SH3RF1: variants seen among roughly 807,000 people sequenced by gnomAD.
SH3RF1 encodes SH3 domain containing ring finger 1.
A neutral mutation model predicts 74.0 loss-of-function variants in SH3RF1; 32 were observed. The observed-to-expected ratio is 0.43, with a 90% confidence interval of 0.33 to 0.58. The LOEUF (loss-of-function observed/expected upper bound fraction) is 0.58. Ranked by LOEUF, SH3RF1 falls within the 20% of genes least tolerant of loss-of-function variation. SH3RF1 has a pLI of 0.05. For synonymous variants in SH3RF1, 396 were observed against 439.6 expected (o/e 0.90, Z 1.24); for missense variants, 954 against 1,130.9 (o/e 0.84, Z 2.24).
chr4:169,153,205 T>C (rs1244467604), intron 4 of SH3RF1, among the ~76,000 whole-genome samples: 1 of 152,174 alleles, frequency 6.6e-6, no homozygotes, highest in Admixed American at 6.5e-5. Flanking sequence ...CGTGATAGTC[T>C]AATCTGAGCT....
chr4:169,247,825 G>T (rs778538708), intron 2 of SH3RF1, among the ~76,000 whole-genome samples: 9 of 152,156 alleles, frequency 5.9e-5, no homozygotes, highest in Non-Finnish European at 1.0e-4. Flanking sequence ...ATCAAAAAGT[G>T]GATGAAGGAC....
At chr4:169,236,379 T>C (rs1319755889) in intron 2 of SH3RF1, among the ~76,000 whole-genome samples, 2 of 152,202 alleles carry the variant, frequency 1.3e-5, no homozygotes, top group East Asian at 1.9e-4. Flanking sequence ...ATGACTATAA[T>C]GAGCGGTGTC....
intron 4 of SH3RF1, among the ~76,000 whole-genome samples, chr4:169,154,496 C>T (rs1734021102): frequency 6.6e-6 from 1 of 152,246 alleles, no homozygotes; most frequent in South Asian, 2.1e-4. Context: ...GCTTAAGATC[C>T]GTGCTTTGAT....
intron 6 of SH3RF1, among the ~76,000 whole-genome samples, chr4:169,124,093 G>C (rs1266089200): frequency 6.6e-6 from 1 of 152,168 alleles, no homozygotes; most frequent in Non-Finnish European, 1.5e-5. Flanking sequence ...TTTGACAGGT[G>C]AGATAATCGG....
At position 169,116,476 on chromosome 4, in the gene SH3RF1, A is replaced by G; in HGVS notation, c.1932T>C (p.Thr644=). The G allele has an allele frequency of 6.2e-7, 1 of 1,613,960 alleles. No homozygotes were observed. Among genetic ancestry groups the G allele is most frequent in the Non-Finnish European group, 8.5e-7 (1 of 1,179,942 alleles). The change falls in exon 10 of 12, where the codon ACT becomes ACC. Residue 644 remains threonine, a synonymous_variant. Coordinates refer to ENST00000284637, the MANE Select transcript of SH3RF1 (RefSeq NM_020870.4). ...APLMPGSATH[T]AAISISRASA... The stretch of plus-strand genomic sequence containing the variant: ...TGGCTCGACTGATACTGATGGCAGC[A>G]GTGTGCGTGGCTGAGCCTGGCATCA...
In SH3RF1 at chr4:169,117,709, C is replaced by T. The variant is rs1733361160; in HGVS notation, c.1591G>A (p.Val531Ile). The change falls in exon 9 of 12, where the codon GTC becomes ATC. Residue 531 changes from valine to isoleucine, a missense_variant. Coordinates refer to ENST00000284637, the MANE Select transcript of SH3RF1 (RefSeq NM_020870.4). Reference sequence around the variant, plus strand: ...GGCCCTCCTGCCGTGGAAGGACTGACCATGGTCACTCCCCGACTTGTCTGG... The same window carrying T: ...GGCCCTCCTGCCGTGGAAGGACTGATCATGGTCACTCCCCGACTTGTCTGG... ...AGQTSRGVTMVSPSTAGGPAQ... is the reference protein window; with the variant it reads ...AGQTSRGVTMISPSTAGGPAQ... The T allele has an allele frequency of 6.2e-7, 1 of 1,614,206 alleles. No individual in the cohort carries two copies. Among genetic ancestry groups the T allele is most frequent in the Non-Finnish European group, 8.5e-7 (1 of 1,180,046 alleles).
intron 2 of SH3RF1, among the ~76,000 whole-genome samples, chr4:169,236,518 T>C (rs1409472026): frequency 6.6e-6 from 1 of 152,266 alleles, no homozygotes; most frequent in Non-Finnish European, 1.5e-5. Flanking sequence ...ACTTATTAGT[T>C]GGTGTGACCT....
At chr4:169,228,387 TG>T (rs943933910) in intron 2 of SH3RF1, among the ~76,000 whole-genome samples, 1 of 124,440 alleles carries the variant, frequency 8.0e-6, no homozygotes, top group Admixed American at 8.2e-5. Context: ...GGCAGCGCTG[TG>T]TTTTTTTTCT....
At chr4:169,241,162 G>A (rs938019325) in intron 2 of SH3RF1, among the ~76,000 whole-genome samples, 5 of 152,148 alleles carry the variant, frequency 3.3e-5, no homozygotes, top group African/African-American at 7.2e-5. Context: ...CCCAGGAGGC[G>A]GAGATTGCAG....
intron 2 of SH3RF1, among the ~76,000 whole-genome samples, chr4:169,226,702 T>C (rs1388549855): frequency 2.6e-5 from 4 of 152,178 alleles, no homozygotes; most frequent in Non-Finnish European, 5.9e-5. Flanking sequence ...CTATTGTAGA[T>C]AATAAAACCT....
chr4:169,218,398 TATAGA>T (rs1730503103), intron 2 of SH3RF1, among the ~76,000 whole-genome samples: 1 of 137,364 alleles, frequency 7.3e-6, no homozygotes, highest in African/African-American at 2.9e-5. Flanking sequence ...TATTATAGAA[TATAGA>T]ATATAGAATA....
At chr4:169,122,378 T>G in intron 6 of SH3RF1, 112 bp from the exon 7 acceptor site, 1 of 1,228,144 alleles carries the variant, frequency 8.1e-7, no homozygotes, top group East Asian at 2.6e-5. Context: ...AGAACAAGAC[T>G]TTAATGGAAT....
At chr4:169,140,707 T>A (rs1733770588) in intron 4 of SH3RF1, among the ~76,000 whole-genome samples, 1 of 152,076 alleles carries the variant, frequency 6.6e-6, no homozygotes, top group African/African-American at 2.4e-5. Flanking sequence ...ATAGCCTTTT[T>A]TAAAAGGCGG....
intron 2 of SH3RF1, among the ~76,000 whole-genome samples, chr4:169,247,125 A>T (rs1194236766): frequency 6.6e-6 from 1 of 152,252 alleles, no homozygotes; most frequent in Non-Finnish European, 1.5e-5. Flanking sequence ...TGGGAAAAGC[A>T]TAATGACTGA....
intron 2 of SH3RF1, among the ~76,000 whole-genome samples, chr4:169,204,911 A>G (rs1490108535): frequency 6.6e-6 from 1 of 152,156 alleles, no homozygotes; most frequent in Non-Finnish European, 1.5e-5. Flanking sequence ...TTGAAAAAAA[A>G]AATTCTAATA....
intron 11 of SH3RF1, among the ~76,000 whole-genome samples, chr4:169,101,798 A>G (rs1426177550): frequency 6.6e-6 from 1 of 151,788 alleles, no homozygotes; most frequent in Admixed American, 6.6e-5. Flanking sequence ...AGTGGCTCAC[A>G]GACCGGTCCC....
chr4:169,159,845 C>T (rs748930538), intron 2 of SH3RF1, among the ~76,000 whole-genome samples: 7 of 152,106 alleles, frequency 4.6e-5, no homozygotes, highest in Non-Finnish European at 8.8e-5. Flanking sequence ...AAAGAATGTT[C>T]CTCCTAGGAA....
chr4:169,104,765 G>A (rs1188485439), intron 11 of SH3RF1, among the ~76,000 whole-genome samples: 1 of 152,008 alleles, frequency 6.6e-6, no homozygotes, highest in Admixed American at 6.6e-5. Flanking sequence ...TTAGCCGGGC[G>A]TGGTGTGTGC....
At chr4:169,182,811 C>T (rs1023253388) in intron 2 of SH3RF1, among the ~76,000 whole-genome samples, 1 of 151,924 alleles carries the variant, frequency 6.6e-6, no homozygotes, top group Non-Finnish European at 1.5e-5. Flanking sequence ...GAGATTACAC[C>T]ACAAAATAGA....
Sources: gnomAD v4.1 joint callset for allele counts (sites outside exome capture counted in the v4.1 genomes callset) on GRCh38, gnomAD v4.1.1 for gene constraint, MANE v1.5 for transcripts, NCBI Gene and HGNC (gene_info 2026-07-23, HGNC 2026-07-21) for gene names.